The following GJC2 variants were observed in gnomAD, a reference collection of about 807,000 sequenced individuals.
GJC2 encodes the protein gap junction gamma-2 protein.
For missense variants in GJC2, 647 were observed against 648.9 expected (o/e 1.00, Z 0.03); for synonymous variants, 336 against 307.5 (o/e 1.09, Z -0.97).
In GJC2 at chr1:228,151,164, C is replaced by A. The variant is rs1449854959; in HGVS notation, c.-20+1157C>A. Among the ~76,000 whole-genome samples the A allele has an allele frequency of 6.6e-6, 1 of 152,124 alleles. No homozygotes were observed. The highest frequency in any genetic ancestry group is 1.9e-4 in the East Asian group (1 of 5,176). On this transcript the variant is annotated intron_variant, in intron 1 of 1. Coordinates refer to ENST00000366714, the MANE Select transcript of GJC2 (RefSeq NM_020435.4). The surrounding 1 kb of genome is among the most constrained non-coding windows in gnomAD (Gnocchi z 5.4). ...GCCCACGCATTCACAGCGCCAACAA[C>A]CCCAGGGAGGAGAGGGCTCCACGGG...
chr1:228,159,552 C>G lies in GJC2; in HGVS notation c.*474C>G, dbSNP rs2124967545. On this transcript the variant is annotated 3_prime_UTR_variant, in exon 2 of 2. Coordinates refer to ENST00000366714, the MANE Select transcript of GJC2 (RefSeq NM_020435.4). This position sits in a 1 kb window ranked among gnomAD's most constrained non-coding sequence, Gnocchi z 4.0. Reference sequence around the variant, plus strand: ...TCCCCTTCCCAGCCCCAAACTGAGACAGACTGGGAGCTGGGAGCCTGGGGT... The same window carrying G: ...TCCCCTTCCCAGCCCCAAACTGAGAGAGACTGGGAGCTGGGAGCCTGGGGT... The G allele has an allele frequency of 5.5e-6, 1 of 181,222 alleles. No homozygotes were observed. The highest frequency in any genetic ancestry group is 1.6e-4 in the South Asian group (1 of 6,444). 11.2% of individuals were successfully genotyped at this position (181,222 alleles called of 1,614,324 possible).
At chr1:228,156,262 A>G (rs974906465) in intron 1 of GJC2, among the ~76,000 whole-genome samples, 2 of 152,212 alleles carry the variant, frequency 1.3e-5, no homozygotes, top group Admixed American at 6.5e-5. Context: ...CACTGTTTTC[A>G]TGCATGTGCA....
rs138357152 is a variant in GJC2, at chr1:228,157,809, C to T, written c.51C>T (p.His17=). The T allele has an allele frequency of 5.3e-5, 80 of 1,510,586 alleles. No individual in the cohort carries two copies. The African/African-American group carries it at 9.8e-4, about 19-fold the overall frequency. The allele number at this position is 1,510,586 out of a possible 1,614,324, so 93.6% of individuals were successfully genotyped here. ...TGACGCGGCTGCTGGAGGAGATCCA[C>T]AACCACTCCACCTTCGTGGGCAAGG... ...SFLTRLLEEI[H]NHSTFVGKVW... The change falls in exon 2 of 2, where the codon CAC becomes CAT. Residue 17 remains histidine (H), a synonymous_variant. Coordinates refer to ENST00000366714, the MANE Select transcript of GJC2 (RefSeq NM_020435.4).
At position 228,158,327 on chromosome 1, in the gene GJC2, G is replaced by A. The variant is rs1410446133; in HGVS notation, c.569G>A (p.Gly190Glu). 1.3e-6 allele frequency: 2 copies of A among 1,561,130 alleles called. No individual in the cohort carries two copies. The highest frequency in any genetic ancestry group is 1.9e-5 in the Admixed American group (1 of 53,278). Residue 190 changes from glycine to glutamate, a missense_variant, in exon 2 of 2, where the codon GGG becomes GAG. Transcript: ENST00000366714. This position sits in a 1 kb window ranked among gnomAD's most constrained non-coding sequence, Gnocchi z 8.3. The part of the protein sequence containing the change: ...KAVGADGKAA[G>E]TPGPTGQHDG... Reference sequence around the variant, plus strand: ...GTCGGCGCTGACGGCAAGGCGGCAGGGACCCCGGGCCCGACCGGGCAACAC... The same window carrying A: ...GTCGGCGCTGACGGCAAGGCGGCAGAGACCCCGGGCCCGACCGGGCAACAC...
Position 228,158,887 on chromosome 1 carries a change from C to T in GJC2, c.1129C>T (p.Leu377Phe), listed in dbSNP as rs2124967055. 6.7e-7 allele frequency: 1 copy of T among 1,486,624 alleles called. No homozygotes were observed. The highest frequency in any genetic ancestry group is 1.5e-5 in the African/African-American group (1 of 68,160). 92.1% of individuals were successfully genotyped at this position (1,486,624 alleles called of 1,614,324 possible). ...CCGGGACAGTTCGCCGTGCGTCGGC[C>T]TCCCTGCGGCCTCCCGGGGGCCCCC... Reference protein sequence around the residue: ...RDRDSSPCVGLPAASRGPPRA... With the variant: ...RDRDSSPCVGFPAASRGPPRA... The change falls in exon 2 of 2, where the codon CTC becomes TTC. Residue 377 changes from leucine (L) to phenylalanine (F), a missense_variant. Leu to Phe is a conservative substitution (Grantham distance 22, BLOSUM62 0). Coordinates refer to ENST00000366714, the MANE Select transcript of GJC2 (RefSeq NM_020435.4). This position sits in a 1 kb window ranked among gnomAD's most constrained non-coding sequence, Gnocchi z 8.3.
chr1:228,158,880 C>T lies in GJC2; in HGVS notation c.1122C>T (p.Cys374=), dbSNP rs1231016061. 12 of 1,487,322 alleles carry T rather than the reference C, an allele frequency of 8.1e-6. No homozygotes were observed. The highest frequency in any genetic ancestry group is 1.5e-5 in the African/African-American group (1 of 67,978). 92.1% of individuals were successfully genotyped at this position (1,487,322 alleles called of 1,614,324 possible). The change falls in exon 2 of 2, where the codon TGC becomes TGT. Residue 374 remains cysteine (C), a synonymous_variant. Transcript: ENST00000366714. The surrounding 1 kb of genome is among the most constrained non-coding windows in gnomAD (Gnocchi z 8.3). The stretch of plus-strand genomic sequence containing the variant: ...ACCGCGACCGGGACAGTTCGCCGTG[C>T]GTCGGCCTCCCTGCGGCCTCCCGGG... ...AGDRDRDSSP[C]VGLPAASRGP...
intron 1 of GJC2, among the ~76,000 whole-genome samples, chr1:228,154,449 G>A (rs930791577): frequency 1.3e-5 from 2 of 152,214 alleles, no homozygotes; most frequent in African/African-American, 4.8e-5. Context: ...CATTCACGAT[G>A]CTTGTGATGA....
rs1057523988 is a variant in GJC2 at position 228,158,498 on chromosome 1, G to C, written c.740G>C (p.Arg247Pro). Residue 247 changes from arginine to proline, a missense_variant, in exon 2 of 2, where the codon CGC becomes CCC. By Grantham distance (103) the Arg-to-Pro change is moderately radical. Coordinates refer to ENST00000366714, the MANE Select transcript of GJC2 (RefSeq NM_020435.4). The surrounding 1 kb of genome is among the most constrained non-coding windows in gnomAD (Gnocchi z 8.3). The stretch of plus-strand genomic sequence containing the variant: ...GTGCGACCGTTCTTTCCCTGCAGCC[G>C]CCAGCCCTGCCCGCACGTGGTGGAC... ...FEVRPFFPCS[R>P]QPCPHVVDCF... 3 of 1,612,544 alleles carry C rather than the reference G, an allele frequency of 1.9e-6. No individual in the cohort carries two copies. Among genetic ancestry groups the C allele is most frequent in the Admixed American group, 1.7e-5 (1 of 59,998 alleles).
In GJC2 at chr1:228,158,961, C is replaced by G. The variant is rs2034732722; in HGVS notation, c.1203C>G (p.Gly401=). ...GGACGGGCAGTGCTACCTCTGCGGG[C>G]ACTGTCGGGGAGCAGGGCCGGCCCG... ...ASRTGSATSA[G]TVGEQGRPGT... is the part of the protein sequence containing the mutation. The change falls in exon 2 of 2, where the codon GGC becomes GGG. Residue 401 remains glycine, a synonymous_variant. Coordinates refer to ENST00000366714, the MANE Select transcript of GJC2 (RefSeq NM_020435.4). The surrounding 1 kb of genome is among the most constrained non-coding windows in gnomAD (Gnocchi z 8.3). 1 of 1,584,282 alleles carries G rather than the reference C, an allele frequency of 6.3e-7. No individual in the cohort carries two copies. Among genetic ancestry groups the G allele is most frequent in the African/African-American group, 1.3e-5 (1 of 74,188 alleles).
intron 1 of GJC2, among the ~76,000 whole-genome samples, chr1:228,156,831 C>A (rs1558119060): frequency 6.6e-6 from 1 of 152,254 alleles, no homozygotes; most frequent in Non-Finnish European, 1.5e-5. Flanking sequence ...ACAGCCCTTT[C>A]CTGGGCACTT....
chr1:228,154,214 C>T (rs368479667), intron 1 of GJC2, among the ~76,000 whole-genome samples: 76 of 152,294 alleles, frequency 5.0e-4, no homozygotes, highest in Admixed American at 7.8e-4. Flanking sequence ...TGTCAGTCAC[C>T]GTGTCTCCCT....
chr1:228,150,652 C>A lies in GJC2; in HGVS notation c.-20+645C>A, dbSNP rs946982704. On this transcript the variant is annotated intron_variant, in intron 1 of 1. Coordinates refer to ENST00000366714, the MANE Select transcript of GJC2 (RefSeq NM_020435.4). The surrounding 1 kb of genome is among the most constrained non-coding windows in gnomAD (Gnocchi z 4.6). ...GCAGGCCCTCAGTGCAAGGAAGGGG[C>A]GGCGTGGCTGAGGAGGGGGAGGCCC... Among the ~76,000 whole-genome samples the A allele has an allele frequency of 6.6e-6, 1 of 152,068 alleles. No homozygotes were observed. The highest frequency in any genetic ancestry group is 1.5e-5 in the Non-Finnish European group (1 of 67,978).
In GJC2 at chr1:228,155,452, G is replaced by A. The variant is rs189889433; in HGVS notation, c.-19-2288G>A. Among the ~76,000 whole-genome samples, 953 of 152,314 alleles carry A rather than the reference G, an allele frequency of 6.3e-3. 7 individuals are homozygous for A. The highest frequency in any genetic ancestry group is 0.013 in the African/African-American group (544 of 41,566). On this transcript the variant is annotated intron_variant, in intron 1 of 1. Transcript: ENST00000366714. ...GTGAAGTGCTTGAGGCCCTGCAGGC[G>A]GGGCCAGGCTCAGGATTGGCTGGGA...
rs979093751 is a variant in GJC2, at chr1:228,151,028, G to A, written c.-20+1021G>A. Among the ~76,000 whole-genome samples, 1 of 152,016 alleles carries A rather than the reference G, an allele frequency of 6.6e-6. No homozygotes were observed. The highest frequency in any genetic ancestry group is 2.4e-5 in the African/African-American group (1 of 41,386). On this transcript the variant is annotated intron_variant, in intron 1 of 1. Transcript: ENST00000366714. This position sits in a 1 kb window ranked among gnomAD's most constrained non-coding sequence, Gnocchi z 5.4. The stretch of plus-strand genomic sequence containing the variant: ...TCCCAGCCTGACCCAGGCCTAACTC[G>A]CCCCCTTGGTCCACCTCCAGAGGAG...
In GJC2 at chr1:228,159,269, G is replaced by A; in HGVS notation, c.*191G>A. On this transcript the variant is annotated 3_prime_UTR_variant, in exon 2 of 2. Transcript: ENST00000366714. The surrounding 1 kb of genome is among the most constrained non-coding windows in gnomAD (Gnocchi z 4.0). ...GTGCCCTGGCTTGGTCACCACTGGG[G>A]CCAAGGTGGGGTGGAGAGAGGCCTA... 1 of 658,844 alleles carries A rather than the reference G, an allele frequency of 1.5e-6. No individual in the cohort carries two copies. The highest frequency in any genetic ancestry group is 1.9e-5 in the South Asian group (1 of 51,352). The allele number at this position is 658,844 out of a possible 1,614,324, so 40.8% of individuals were successfully genotyped here. A position where few individuals can be genotyped will look rare whatever the true frequency, so the allele number is the denominator to read the frequency against.
chr1:228,158,793 G>A lies in GJC2; in HGVS notation c.1035G>A (p.Ala345=), dbSNP rs532281251. The change falls in exon 2 of 2, where the codon GCG becomes GCA. Residue 345 remains alanine (A), a synonymous_variant. Transcript: ENST00000366714. This position sits in a 1 kb window ranked among gnomAD's most constrained non-coding sequence, Gnocchi z 8.3. ...TGCGGGCGGCCGAGCGCGCTCGGGC[G>A]CATGACCAGAACCTGGCAAACCTGG... ...LVVRAAERAR[A]HDQNLANLAL... is the part of the protein sequence containing the mutation. The A allele has an allele frequency of 5.4e-5, 78 of 1,436,646 alleles. No individual in the cohort carries two copies. The highest frequency in any genetic ancestry group is 1.3e-4 in the Admixed American group (5 of 38,710). 89.0% of individuals were successfully genotyped at this position (1,436,646 alleles called of 1,614,324 possible).
Position 228,159,192 on chromosome 1 carries a change from G to T in GJC2, c.*114G>T, listed in dbSNP as rs2034738026. Reference sequence around the variant, plus strand: ...TAGCCGGTGGCCTCAGGCAGACTCTGCCCAGAGGGGCAGCCAGGCTGCTCA... The same window carrying T: ...TAGCCGGTGGCCTCAGGCAGACTCTTCCCAGAGGGGCAGCCAGGCTGCTCA... On this transcript the variant is annotated 3_prime_UTR_variant, in exon 2 of 2. Coordinates refer to ENST00000366714, the MANE Select transcript of GJC2 (RefSeq NM_020435.4). This position sits in a 1 kb window ranked among gnomAD's most constrained non-coding sequence, Gnocchi z 4.0. The T allele has an allele frequency of 8.1e-7, 1 of 1,228,258 alleles. No individual in the cohort carries two copies. The highest frequency in any genetic ancestry group is 2.1e-5 in the Admixed American group (1 of 47,884). 76.1% of individuals were successfully genotyped at this position (1,228,258 alleles called of 1,614,324 possible).
Sources: allele counts gnomAD v4.1 joint callset (sites outside exome capture counted in the v4.1 genomes callset), GRCh38; gene constraint gnomAD v4.1.1; non-coding constraint Gnocchi (gnomAD v3.1); transcripts MANE v1.5; gene names NCBI Gene and HGNC (gene_info 2026-07-23, HGNC 2026-07-21).